PIKFYVE: variants seen among roughly 807,000 people sequenced by gnomAD.
PIKFYVE encodes phosphoinositide kinase, FYVE-type zinc finger containing.
PIKFYVE carries 122 observed loss-of-function variants against 257.9 expected under a neutral mutation model. The observed-to-expected ratio is 0.47, with a 90% CI of 0.41 to 0.55. The LOEUF is 0.55. Ranked by LOEUF, PIKFYVE falls within the 20% of genes least tolerant of loss-of-function variation. PIKFYVE has a pLI of 0.00. For missense variants in PIKFYVE, 2,160 were observed against 2,536.6 expected (o/e 0.85, Z 3.19); for synonymous variants, 892 against 868.9 (o/e 1.03, Z -0.47).
chr2:208,345,273 C>T (rs2043718), intron 33 of PIKFYVE, 79 bp downstream of exon 33: 1,187,418 of 1,189,270 alleles, frequency 1, 592,807 homozygotes, highest in East Asian at 1. Flanking sequence ...AGTTTTATTA[C>T]AGCATTTATC....
rs1280385890 is a variant in PIKFYVE, at chr2:208,273,285, CCTT to C, written c.173-295_173-293del. On this transcript the variant is annotated intron_variant, in intron 2 of 41. Coordinates refer to ENST00000264380, the MANE Select transcript of PIKFYVE (RefSeq NM_015040.4). Reference sequence around the variant, plus strand: ...TGATTATTGGCCTGTAATTTTGCCTCCTTCTTTGAATTTTCTTTTTTTAAAATC... The same window carrying C: ...TGATTATTGGCCTGTAATTTTGCCTCCTTTGAATTTTCTTTTTTTAAAATC... 3.3e-5 allele frequency among the ~76,000 whole-genome samples: 5 copies of C among 152,234 alleles called. No individual in the cohort carries two copies. In the East Asian group the frequency reaches 9.7e-4, roughly 29 times the overall value.
At chr2:208,289,865 G>A (rs1435453452) in intron 7 of PIKFYVE, among the ~76,000 whole-genome samples, 1 of 152,088 alleles carries the variant, frequency 6.6e-6, no homozygotes, top group Non-Finnish European at 1.5e-5. Flanking sequence ...ACTGCATCTG[G>A]CCATCGTTTT....
chr2:208,267,393 C>T (rs1688779774), intron 1 of PIKFYVE, among the ~76,000 whole-genome samples: 1 of 151,904 alleles, frequency 6.6e-6, no homozygotes, highest in South Asian at 2.1e-4. Context: ...CTTTCTGGAT[C>T]CTGCTCTGGT....
At chr2:208,320,756 T>C (rs578090546) in intron 17 of PIKFYVE, among the ~76,000 whole-genome samples, 1 of 152,230 alleles carries the variant, frequency 6.6e-6, no homozygotes, top group Non-Finnish European at 1.5e-5. Flanking sequence ...ATGAAAGTTG[T>C]GTTGGTTTCT....
intron 24 of PIKFYVE, among the ~76,000 whole-genome samples, chr2:208,334,946 G>A (rs1697968899): frequency 6.6e-6 from 1 of 152,154 alleles, no homozygotes; most frequent in South Asian, 2.1e-4. Context: ...AAAGACTCAT[G>A]AAGAATCTTC....
chr2:208,287,193 G>T (rs539784454), intron 6 of PIKFYVE, among the ~76,000 whole-genome samples: 1 of 152,044 alleles, frequency 6.6e-6, no homozygotes, highest in East Asian at 1.9e-4. Context: ...TATAACAGTG[G>T]TTTCACTGAG....
At chr2:208,270,849 CA>C (rs899166512) in intron 1 of PIKFYVE, among the ~76,000 whole-genome samples, 5 of 151,968 alleles carry the variant, frequency 3.3e-5, no homozygotes, top group Non-Finnish European at 7.4e-5. Context: ...GCCTGGCCAA[CA>C]TGGTGAAACC....
rs1226269752 is a variant in PIKFYVE, at chr2:208,326,443, CT to C, written c.3618+17del. On this transcript the variant is annotated intron_variant, in intron 20 of 41. Coordinates refer to ENST00000264380, the MANE Select transcript of PIKFYVE (RefSeq NM_015040.4). ...TGGTCAACAAAGGTGAGCCAGACCA[CT>C]TTCTGATGCTCCTGTGCATTTAGGA... is the stretch of plus-strand genomic sequence containing the variant. The C allele has an allele frequency of 1.2e-6, 2 of 1,610,876 alleles. No homozygotes were observed. The highest frequency in any genetic ancestry group is 3.3e-5 in the Admixed American group (2 of 59,992).
At chr2:208,333,263 A>G (rs1697759986) in intron 23 of PIKFYVE, 52 bp from the exon 24 acceptor site, 1 of 1,552,742 alleles carries the variant, frequency 6.4e-7, no homozygotes, top group East Asian at 2.2e-5. Context: ...TTATTTTTTG[A>G]AAAAGAGATT....
chr2:208,296,480 G>T (rs542932972), intron 7 of PIKFYVE, among the ~76,000 whole-genome samples: 1 of 152,258 alleles, frequency 6.6e-6, no homozygotes, highest in East Asian at 1.9e-4. Flanking sequence ...TGTTGAATTT[G>T]AGATATCTTC....
Position 208,305,031 on chromosome 2 carries a change from T to C in PIKFYVE, c.1636+18T>C. 1 of 1,614,000 alleles carries C rather than the reference T, an allele frequency of 6.2e-7. No individual in the cohort carries two copies. Among genetic ancestry groups the C allele is most frequent in the African/African-American group, 1.3e-5 (1 of 75,060 alleles). ...CCAAAAAGGTAGGAGGTAGTCACCA[T>C]CTGGAATCCAAACACAGGCTGGACA... is the stretch of plus-strand genomic sequence containing the variant. On this transcript the variant is annotated intron_variant, in intron 12 of 41. Coordinates refer to ENST00000264380, the MANE Select transcript of PIKFYVE (RefSeq NM_015040.4).
In PIKFYVE at chr2:208,285,902, A is replaced by G. The variant is rs1216099701; in HGVS notation, c.790A>G (p.Ile264Val). 1.2e-6 allele frequency: 2 copies of G among 1,614,168 alleles called. No homozygotes were observed. The highest frequency in any genetic ancestry group is 8.5e-7 in the Non-Finnish European group (1 of 1,180,032). The change falls in exon 6 of 42, where the codon ATA becomes GTA. Residue 264 changes from isoleucine to valine, a missense_variant. Around this residue, in one of 12 missense-constraint regions of PIKFYVE, gnomAD observed 187 missense variants for 185.6 expected, o/e 1.01. Coordinates refer to ENST00000264380, the MANE Select transcript of PIKFYVE (RefSeq NM_015040.4). ...TGGGAGTAGGAAAGCCAGCCGTAAC[A>G]TATTTTTAGAGGATGATTTGGCCTG... ...PVGSRKASRN[I>V]FLEDDLAWQS...
chr2:208,344,947 A>T (rs553119183), intron 32 of PIKFYVE, among the ~76,000 whole-genome samples, 164 bp from the exon 33 acceptor site: 2 of 152,220 alleles, frequency 1.3e-5, no homozygotes, highest in South Asian at 4.1e-4. Context: ...GACCTTCCTC[A>T]TGAAGCTTCT....
chr2:208,342,715 T>G, intron 32 of PIKFYVE, 66 bp downstream of exon 32: 1 of 1,315,546 alleles, frequency 7.6e-7, no homozygotes, highest in South Asian at 1.2e-5. Flanking sequence ...ATTAATCCCT[T>G]ATTTTTGGAA....
At position 208,342,597 on chromosome 2, in the gene PIKFYVE, C is replaced by A. The variant is rs758597637; in HGVS notation, c.4975C>A (p.Pro1659Thr). 7 of 1,613,910 alleles carry A rather than the reference C, an allele frequency of 4.3e-6. No homozygotes were observed. The highest frequency in any genetic ancestry group is 8.5e-7 in the Non-Finnish European group (1 of 1,179,904). ...CTTAATGTATGAACATGAACGAGTG[C>A]CCATTGCAGTCTGCGAGAAGGAACC... ...HYLMYEHERV[P>T]IAVCEKEPSS... The change falls in exon 32 of 42, where the codon CCC (proline) becomes ACC (threonine). Residue 1659 changes from proline (P) to threonine (T), a missense_variant. Coordinates refer to ENST00000264380, the MANE Select transcript of PIKFYVE (RefSeq NM_015040.4).
chr2:208,317,106 C>T (rs11898603), intron 15 of PIKFYVE, among the ~76,000 whole-genome samples: 11,464 of 136,798 alleles, frequency 0.084, 488 homozygotes, highest in Middle Eastern at 0.11. Context: ...CCAAAAGCAA[C>T]GGCAACAAAA....
intron 18 of PIKFYVE, 132 bp from the exon 19 acceptor site, chr2:208,324,778 AT>A: frequency 2.7e-6 from 3 of 1,112,038 alleles, no homozygotes; most frequent in Middle Eastern, 2.9e-4. Context: ...GAATAAAAAA[AT>A]TCATCATATA....
rs1178799588 is a variant in PIKFYVE at position 208,271,704 on chromosome 2, A to G, written c.172+13A>G. On this transcript the variant is annotated intron_variant, in intron 2 of 41. Coordinates refer to ENST00000264380, the MANE Select transcript of PIKFYVE (RefSeq NM_015040.4). ...CGTTTTAACAAAGGTAAGACTTATT[A>G]AAGATAAGAGGTTTGATTCAGGTCT... 1.2e-6 allele frequency: 2 copies of G among 1,607,204 alleles called. No individual in the cohort carries two copies. Among genetic ancestry groups the G allele is most frequent in the East Asian group, 4.5e-5 (2 of 44,836 alleles).
chr2:208,347,829 TA>T (rs1388547776), intron 34 of PIKFYVE, 29 bp from the exon 35 acceptor site: 19 of 1,578,366 alleles, frequency 1.2e-5, no homozygotes, highest in Non-Finnish European at 2.6e-6. Flanking sequence ...GACCTGTACT[TA>T]AAATTAATAT....
Sources: allele counts gnomAD v4.1 joint callset (sites outside exome capture counted in the v4.1 genomes callset), GRCh38; gene constraint gnomAD v4.1.1; regional missense constraint gnomAD v4.1.1; transcripts MANE v1.5; gene names NCBI Gene and HGNC (gene_info 2026-07-23, HGNC 2026-07-21).